FAM47E: variants seen among roughly 807,000 people sequenced by gnomAD.
FAM47E encodes the protein protein FAM47E.
FAM47E carries 32 observed loss-of-function variants against 41.6 expected under a neutral mutation model. That is an observed-to-expected ratio of 0.77 (90% CI 0.58 to 1.03). FAM47E has a LOEUF of 1.03. Ranked by LOEUF, FAM47E falls within the 50% of genes least tolerant of loss-of-function variation. FAM47E has a pLI of 0.00. For missense variants in FAM47E, 424 were observed against 485.4 expected (o/e 0.87, Z 1.19); for synonymous variants, 184 against 188.7 (o/e 0.98, Z 0.20).
chr4:76,221,520 A>G (rs2109979925), intron 2 of FAM47E, among the ~76,000 whole-genome samples: 1 of 152,190 alleles, frequency 6.6e-6, no homozygotes, highest in East Asian at 1.9e-4. Context: ...GGATTTCATC[A>G]CACTGGCCAG....
At chr4:76,262,586 C>T (rs1420352558) in intron 2 of FAM47E, among the ~76,000 whole-genome samples, 1 of 152,114 alleles carries the variant, frequency 6.6e-6, no homozygotes, top group Non-Finnish European at 1.5e-5. Flanking sequence ...CATGAAAATG[C>T]ATTGTCACAA....
At chr4:76,227,639 A>G (rs1733420597) in intron 2 of FAM47E, among the ~76,000 whole-genome samples, 1 of 152,136 alleles carries the variant, frequency 6.6e-6, no homozygotes, top group Non-Finnish European at 1.5e-5. Flanking sequence ...AGTCCCCACT[A>G]TTATTGTGTT....
At chr4:76,234,525 C>T (rs1283789807) in intron 2 of FAM47E, 1 of 152,178 alleles carries the variant, frequency 6.6e-6, no homozygotes, top group Non-Finnish European at 1.5e-5. Context: ...CGGTTGGAAT[C>T]CTAGGTTCCA....
At chr4:76,247,910 C>CTTTTTTTTTT (rs753751295), upstream of FAM47E, among the ~76,000 whole-genome samples, 68 of 86,846 alleles carry the variant, frequency 7.8e-4, 6 homozygotes, top group Non-Finnish European at 9.9e-4. Context: ...CACTCTCTCT[C>CTTTTTTTTTT]TTTTTTTTTT....
rs1268089431 is a variant in FAM47E at position 76,256,478 on chromosome 4, T to A, written c.375T>A (p.His125Gln). Residue 125 changes from histidine to glutamine, a missense_variant, in exon 2 of 8, where the codon CAT becomes CAA. Coordinates refer to ENST00000424749, the MANE Select transcript of FAM47E (RefSeq NM_001136570.3). ...ACGTGGAGGCCCACCTGACCCCACATCCCTTAGCGCTCTACCTGAATCTGG... is the reference window on the plus strand; with the variant it reads ...ACGTGGAGGCCCACCTGACCCCACAACCCTTAGCGCTCTACCTGAATCTGG... ...LEDVEAHLTP[H>Q]PLALYLNLEE... The A allele has an allele frequency of 2.6e-6, 4 of 1,551,504 alleles. No individual in the cohort carries two copies. The highest frequency in any genetic ancestry group is 2.0e-5 in the Admixed American group (1 of 50,984).
intron 1 of FAM47E, among the ~76,000 whole-genome samples, chr4:76,252,190 C>T (rs1476288793): frequency 6.6e-6 from 1 of 152,150 alleles, no homozygotes; most frequent in Non-Finnish European, 1.5e-5. Flanking sequence ...CCCGGGGCGC[C>T]TGGAGCCCTG....
chr4:76,247,259 G>C (rs1168449590), upstream of FAM47E, among the ~76,000 whole-genome samples: 1 of 152,074 alleles, frequency 6.6e-6, no homozygotes, highest in Non-Finnish European at 1.5e-5. Context: ...GTTAATCCAT[G>C]TTATAACTTA....
At chr4:76,217,413 G>A (rs1302461116) in intron 1 of FAM47E, among the ~76,000 whole-genome samples, 2 of 152,188 alleles carry the variant, frequency 1.3e-5, no homozygotes, top group Non-Finnish European at 2.9e-5. Context: ...GGAGGTGTTT[G>A]GGTCCTGAGG....
At chr4:76,217,853 A>G (rs1258554559) in intron 2 of FAM47E, among the ~76,000 whole-genome samples, 1 of 152,230 alleles carries the variant, frequency 6.6e-6, no homozygotes, top group Non-Finnish European at 1.5e-5. Flanking sequence ...TTATGCAATC[A>G]TTCGGGACTT....
At chr4:76,247,992 G>A (rs542791674), upstream of FAM47E, among the ~76,000 whole-genome samples, 3 of 132,076 alleles carry the variant, frequency 2.3e-5, no homozygotes, top group South Asian at 5.1e-4. Context: ...TCGGCTCACT[G>A]CAAGCTCCAC....
At chr4:76,257,918 A>T (rs1734256841) in intron 2 of FAM47E, among the ~76,000 whole-genome samples, 1 of 152,142 alleles carries the variant, frequency 6.6e-6, no homozygotes, top group East Asian at 1.9e-4. Context: ...ACACTCAATA[A>T]ATAATTTTGA....
chr4:76,238,051 A>C (rs1171820258), intron 2 of FAM47E, among the ~76,000 whole-genome samples: 1 of 152,240 alleles, frequency 6.6e-6, no homozygotes, highest in African/African-American at 2.4e-5. Flanking sequence ...AGGATTGGGA[A>C]ATAAGGGAAG....
At chr4:76,272,462 T>C (rs1734931054) in intron 5 of FAM47E, among the ~76,000 whole-genome samples, 1 of 152,236 alleles carries the variant, frequency 6.6e-6, no homozygotes, top group South Asian at 2.1e-4. Context: ...GTCTTCTGCC[T>C]TTTACACATA....
rs577930913 is a variant in FAM47E, at chr4:76,283,277, TAG to T, written c.1105-101_1105-100del. On this transcript the variant is annotated intron_variant, in intron 7 of 7. Transcript: ENST00000424749. ...TTTTGCATAGTGTAAGGATATATATTAGAGTGTGAAATTTTGAGTTAGATATG... is the reference window on the plus strand; with the variant it reads ...TTTTGCATAGTGTAAGGATATATATTAGTGTGAAATTTTGAGTTAGATATG... 4.7e-3 allele frequency: 3,113 copies of T among 656,674 alleles called. 4 individuals carry two copies. Among genetic ancestry groups the T allele is most frequent in the Non-Finnish European group, 6.2e-3 (2,238 of 363,538 alleles). 40.7% of individuals were successfully genotyped at this position (656,674 alleles called of 1,614,324 possible). A position where few individuals can be genotyped will look rare whatever the true frequency, so the allele number is the denominator to read the frequency against.
At chr4:76,216,847 A>G (rs1220069499) in intron 1 of FAM47E, among the ~76,000 whole-genome samples, 1 of 152,248 alleles carries the variant, frequency 6.6e-6, no homozygotes, top group Non-Finnish European at 1.5e-5. Context: ...CTAATTACAG[A>G]AAATATAAAC....
intron 4 of FAM47E, 167 bp downstream of exon 4, chr4:76,268,935 T>C (rs984629508): frequency 8.5e-6 from 7 of 823,530 alleles, no homozygotes; most frequent in Middle Eastern, 3.6e-4. Context: ...ATCATTTTCT[T>C]CTATTATGTA....
chr4:76,263,067 C>G (rs1734486238), intron 2 of FAM47E, among the ~76,000 whole-genome samples: 5 of 151,952 alleles, frequency 3.3e-5, no homozygotes, highest in Admixed American at 3.3e-4. Context: ...GTGCCTGGCC[C>G]CATTGTGCTT....
exon 2 of FAM47E, chr4:76,217,679 C>T: frequency 1.6e-6 from 1 of 639,052 alleles, no homozygotes; most frequent in South Asian, 1.8e-5. Context: ...TTTTCACTAC[C>T]CAATCTCAGG....
chr4:76,233,668 G>A (rs185485499), intron 2 of FAM47E, among the ~76,000 whole-genome samples: 1 of 151,988 alleles, frequency 6.6e-6, no homozygotes, highest in African/African-American at 2.4e-5. Flanking sequence ...CCCAGTCCCC[G>A]GGTGGGGTTC....
Sources: gnomAD v4.1 joint callset for allele counts (sites outside exome capture counted in the v4.1 genomes callset) on GRCh38, gnomAD v4.1.1 for gene constraint, MANE v1.5 for transcripts, NCBI Gene and HGNC (gene_info 2026-07-23, HGNC 2026-07-21) for gene names.